YTHDC1: variants seen among roughly 807,000 people sequenced by gnomAD.
YTHDC1 encodes YTH domain-containing protein 1.
Under a neutral mutation model 107.0 loss-of-function variants are expected in YTHDC1, and 12 were observed. That is an observed-to-expected ratio of 0.11 (90% CI 0.07 to 0.18). The LOEUF (loss-of-function observed/expected upper bound fraction) is 0.18. YTHDC1 is among the 10% of genes least tolerant of loss of function. YTHDC1 has a pLI of 1.00. For missense variants in YTHDC1, 635 were observed against 898.8 expected (o/e 0.71, Z 3.75); for synonymous variants, 280 against 289.5 (o/e 0.97, Z 0.33).
At chr4:68,333,844 AC>A (rs1267893162) in intron 4 of YTHDC1, among the ~76,000 whole-genome samples, 5 of 152,084 alleles carry the variant, frequency 3.3e-5, no homozygotes, top group African/African-American at 9.7e-5. Flanking sequence ...GATCTGATGA[AC>A]CCCTGAACCC....
rs1273078377 is a variant in YTHDC1 at position 68,322,930 on chromosome 4, T to C, written c.1435-15A>G. The C allele has an allele frequency of 1.2e-6, 2 of 1,609,496 alleles. No homozygotes were observed. Among genetic ancestry groups the C allele is most frequent in the Non-Finnish European group, 1.7e-6 (2 of 1,176,464 alleles). On this transcript the variant is annotated splice_polypyrimidine_tract_variant and intron_variant, in intron 10 of 16. Transcript: ENST00000344157. The surrounding 1 kb of genome is among the most constrained non-coding windows in gnomAD (Gnocchi z 4.8). The stretch of plus-strand genomic sequence containing the variant: ...AGTTCAATTTCCTAGAATAGGAAAG[T>C]AGCAATTTATAAAACAAAAACAGAC...
intron 1 of YTHDC1, among the ~76,000 whole-genome samples, chr4:68,340,326 GC>G (rs1287406764): frequency 5.9e-5 from 9 of 152,172 alleles, no homozygotes; most frequent in Non-Finnish European, 1.5e-5. Context: ...GTCTGGAATA[GC>G]AAAATTGATC....
At chr4:68,344,636 A>C (rs939199760) in intron 1 of YTHDC1, among the ~76,000 whole-genome samples, 3 of 152,214 alleles carry the variant, frequency 2.0e-5, no homozygotes, top group African/African-American at 7.2e-5. Context: ...TGAAAGTATA[A>C]TCACGTGTGA....
At position 68,349,779 on chromosome 4, in the gene YTHDC1, C is replaced by T; in HGVS notation, c.-26G>A. 2.3e-5 allele frequency: 37 copies of T among 1,611,918 alleles called. 1 individual carries two copies. Among genetic ancestry groups the T allele is most frequent in the Non-Finnish European group, 3.1e-5 (37 of 1,179,534 alleles). ...GGCTCCCCTTCGGTTTCCGCCGCTG[C>T]CACCGCCGCCGCCGCTTAGACGCGA... On this transcript the variant is annotated 5_prime_UTR_variant, in exon 1 of 17. Transcript: ENST00000344157.
chr4:68,339,468 A>C (rs138505343), intron 1 of YTHDC1, among the ~76,000 whole-genome samples: 1 of 152,326 alleles, frequency 6.6e-6, no homozygotes, highest in Admixed American at 6.5e-5. Context: ...AGTAAGTAGC[A>C]ATGTTATTTT....
chr4:68,344,462 C>T (rs1416232298), intron 1 of YTHDC1, among the ~76,000 whole-genome samples: 1 of 152,140 alleles, frequency 6.6e-6, no homozygotes, highest in Admixed American at 6.5e-5. Context: ...AGAAGATTAA[C>T]TTCCTTGACA....
rs996471402 is a variant in YTHDC1 at position 68,310,662 on chromosome 4, A to C, written c.*3437T>G. On this transcript the variant is annotated 3_prime_UTR_variant, in exon 17 of 17. Transcript: ENST00000344157. ...GCCTCAATTTTAATATGTGTTTCAA[A>C]CTGCATTTGGAATGTTTCCTACCCA... 4.6e-5 allele frequency: 7 copies of C among 152,292 alleles called. No homozygotes were observed. Among genetic ancestry groups the C allele is most frequent in the African/African-American group, 1.7e-4 (7 of 41,556 alleles). 9.4% of individuals were successfully genotyped at this position (152,292 alleles called of 1,614,324 possible).
intron 4 of YTHDC1, among the ~76,000 whole-genome samples, chr4:68,335,665 AG>A (rs1191233555): frequency 1.3e-5 from 2 of 152,120 alleles, no homozygotes; most frequent in Non-Finnish European, 2.9e-5. Flanking sequence ...TCCCTACCCA[AG>A]GGAGTGGTTT....
chr4:68,337,568 C>T lies in YTHDC1; in HGVS notation c.459+4G>A. Reference sequence around the variant, plus strand: ...TGTTTTATATCTGCAATAATATTTACTACCTCAGAACCATCTGGCGTAGGA... The same window carrying T: ...TGTTTTATATCTGCAATAATATTTATTACCTCAGAACCATCTGGCGTAGGA... On this transcript the variant is annotated splice_donor_region_variant and intron_variant, in intron 3 of 16. Transcript: ENST00000344157. The T allele has an allele frequency of 6.3e-7, 1 of 1,593,202 alleles. No individual in the cohort carries two copies. The highest frequency in any genetic ancestry group is 8.5e-7 in the Non-Finnish European group (1 of 1,173,974).
At position 68,318,713 on chromosome 4, in the gene YTHDC1, G is replaced by C; in HGVS notation, c.1738C>G (p.Arg580Gly). The change falls in exon 14 of 17, where the codon CGC (arginine) becomes GGC (glycine). Residue 580 changes from arginine to glycine, a missense_variant. This residue lies in a region of YTHDC1 where 256 missense variants were observed against 372.9 expected (regional missense o/e 0.69). Coordinates refer to ENST00000344157, the MANE Select transcript of YTHDC1 (RefSeq NM_001031732.4). ...ACCCCATTTAAAAACACATCTCGGCGAACTCCTGAAAATCGTCTGTTGGGA... is the reference window on the plus strand; with the variant it reads ...ACCCCATTTAAAAACACATCTCGGCCAACTCCTGAAAATCGTCTGTTGGGA... The part of the protein sequence containing the change: ...QEVDRRFSGV[R>G]RDVFLNGSYN... The C allele has an allele frequency of 1.2e-6, 2 of 1,613,966 alleles. No homozygotes were observed. The highest frequency in any genetic ancestry group is 2.2e-5 in the South Asian group (2 of 91,062).
At chr4:68,324,108 T>G in intron 10 of YTHDC1, 31 bp downstream of exon 10, 1 of 1,580,760 alleles carries the variant, frequency 6.3e-7, no homozygotes. Context: ...ATTAAATGTG[T>G]TTTTTTAAAG....
chr4:68,318,608 A>G (rs750239407), intron 14 of YTHDC1, 27 bp from the exon 15 acceptor site: 2 of 1,606,850 alleles, frequency 1.2e-6, no homozygotes, highest in African/African-American at 1.3e-5. Context: ...TAATGTCAAT[A>G]TAATTAAAAA....
In YTHDC1 at chr4:68,337,668, G is replaced by C. The variant is rs771513961; in HGVS notation, c.363C>G (p.Ala121=). Residue 121 remains alanine (A), a synonymous_variant, in exon 3 of 17, where the codon GCC becomes GCG. Coordinates refer to ENST00000344157, the MANE Select transcript of YTHDC1 (RefSeq NM_001031732.4). ...ADRKIRLSSS[A]SREPYKNQPE... Reference sequence around the variant, plus strand: ...GTTGATTCTTATAAGGTTCTCTGGAGGCACTACTTGATAGACGAATTTTCC... The same window carrying C: ...GTTGATTCTTATAAGGTTCTCTGGACGCACTACTTGATAGACGAATTTTCC... The C allele has an allele frequency of 6.2e-7, 1 of 1,614,070 alleles. No individual in the cohort carries two copies. Among genetic ancestry groups the C allele is most frequent in the East Asian group, 2.2e-5 (1 of 44,882 alleles).
rs1324586623 is a variant in YTHDC1 at position 68,350,080 on chromosome 4, G to A, written c.-327C>T. ...CCTGCTTCCTGCGCGAAACAATCCC[G>A]CTCCCGAAATGCCCTGCGCTGTTTA... On this transcript the variant is annotated 5_prime_UTR_variant, in exon 1 of 17. Transcript: ENST00000344157. 6 of 483,264 alleles carry A rather than the reference G, an allele frequency of 1.2e-5. No homozygotes were observed. Among genetic ancestry groups the A allele is most frequent in the South Asian group, 2.5e-5 (1 of 40,502 alleles). 29.9% of individuals were successfully genotyped at this position (483,264 alleles called of 1,614,324 possible). A position where few individuals can be genotyped will look rare whatever the true frequency, so the allele number is the denominator to read the frequency against.
At position 68,349,814 on chromosome 4, in the gene YTHDC1, G is replaced by T; in HGVS notation, c.-61C>A. On this transcript the variant is annotated 5_prime_UTR_variant, in exon 1 of 17. Transcript: ENST00000344157. ...CGCCGCTTAGACGCGACTCGCGCGG[G>T]CGCCGCAGCCGCGGCAGAAGCACGG... The T allele has an allele frequency of 6.2e-7, 1 of 1,609,522 alleles. No individual in the cohort carries two copies. Among genetic ancestry groups the T allele is most frequent in the African/African-American group, 1.3e-5 (1 of 74,902 alleles).
In YTHDC1 at chr4:68,310,445, A is replaced by G. The variant is rs1030936357; in HGVS notation, c.*3654T>C. On this transcript the variant is annotated 3_prime_UTR_variant, in exon 17 of 17. Coordinates refer to ENST00000344157, the MANE Select transcript of YTHDC1 (RefSeq NM_001031732.4). Reference sequence around the variant, plus strand: ...TATTTAAGACAATAGTCAATAATCTATATTTAAGACACAGAAGAAACTGAA... The same window carrying G: ...TATTTAAGACAATAGTCAATAATCTGTATTTAAGACACAGAAGAAACTGAA... The G allele has an allele frequency of 1.3e-5, 2 of 152,214 alleles. No individual in the cohort carries two copies. The highest frequency in any genetic ancestry group is 2.9e-5 in the Non-Finnish European group (2 of 68,040). The allele number at this position is 152,214 out of a possible 1,614,324, so 9.4% of individuals were successfully genotyped here.
Position 68,320,210 on chromosome 4 carries a change from A to G in YTHDC1, c.1602-5T>C, listed in dbSNP as rs768678370. 1.9e-6 allele frequency: 3 copies of G among 1,592,996 alleles called. No homozygotes were observed. The highest frequency in any genetic ancestry group is 1.4e-5 in the African/African-American group (1 of 73,568). ...TCATAATCTTCTGGTCGACGCCTAC[A>G]CAAATTAGACACATTAGAAATTAAA... On this transcript the variant is annotated splice_region_variant and splice_polypyrimidine_tract_variant and intron_variant, in intron 11 of 16. Transcript: ENST00000344157.
rs550820458 is a variant in YTHDC1, at chr4:68,337,427, T to C, written c.483A>G (p.Arg161=). 1 of 1,614,020 alleles carries C rather than the reference T, an allele frequency of 6.2e-7. No individual in the cohort carries two copies. Among genetic ancestry groups the C allele is most frequent in the Non-Finnish European group, 8.5e-7 (1 of 1,179,906 alleles). ...AAGACTGGCTGGATCTGCTTGCACG[T>C]CTATCCACTTCAAGCCCAATTCTCT... The part of the protein sequence containing the change: ...GSERIGLEVD[R]RASRSSQSSK... Residue 161 remains arginine, a synonymous_variant, in exon 4 of 17, where the codon AGA becomes AGG. Transcript: ENST00000344157.
chr4:68,344,324 A>C (rs1252843404), intron 1 of YTHDC1, among the ~76,000 whole-genome samples: 2 of 49,396 alleles, frequency 4.0e-5, no homozygotes, highest in Non-Finnish European at 9.6e-5. Context: ...ACTGATCTTA[A>C]ACTTGAAAAA....
Sources: allele counts gnomAD v4.1 joint callset (sites outside exome capture counted in the v4.1 genomes callset), GRCh38; gene constraint gnomAD v4.1.1; regional missense constraint gnomAD v4.1.1; non-coding constraint Gnocchi (gnomAD v3.1); transcripts MANE v1.5; gene names NCBI Gene and HGNC (gene_info 2026-07-23, HGNC 2026-07-21).